SIRT1: variants seen among roughly 807,000 people sequenced by gnomAD.
SIRT1 encodes the protein NAD-dependent protein deacetylase sirtuin-1.
A neutral mutation model predicts 67.9 loss-of-function variants in SIRT1; 24 were observed. The observed-to-expected ratio is 0.35, with a 90% CI of 0.26 to 0.50. The LOEUF is 0.50. Among genes scored for constraint, SIRT1 ranks in the 20% least tolerant of loss-of-function variants. SIRT1 has a pLI of 0.98. For synonymous variants in SIRT1, 378 were observed against 350.7 expected, an observed-to-expected ratio of 1.08 and a Z score of -0.87; for missense variants, 873 against 937.2, an observed-to-expected ratio of 0.93 and a Z score of 0.89.
At position 67,906,312 on chromosome 10, in the gene SIRT1, A is replaced by C. The variant is rs1326254613; in HGVS notation, c.943-478A>C. 1.3e-5 allele frequency: 20 copies of C among 1,556,100 alleles called. No individual in the cohort carries two copies. The Admixed American group carries it at 3.9e-4, about 31-fold the overall frequency. On this transcript the variant is annotated intron_variant, in intron 4 of 8. Coordinates refer to ENST00000212015, the MANE Select transcript of SIRT1 (RefSeq NM_012238.5). ...GGTAAGGATTAAAACTTTAGCTTTAAACTTCCAGCAGGTTGATATTCTAAT... is the reference window on the plus strand; with the variant it reads ...GGTAAGGATTAAAACTTTAGCTTTACACTTCCAGCAGGTTGATATTCTAAT...
At chr10:67,897,269 G>A (rs771838263) in intron 4 of SIRT1, among the ~76,000 whole-genome samples, 1 of 149,972 alleles carries the variant, frequency 6.7e-6, no homozygotes, top group Non-Finnish European at 1.5e-5. Context: ...AAGCTGTGGG[G>A]CCATTTCTGA....
intron 3 of SIRT1, among the ~76,000 whole-genome samples, chr10:67,889,486 T>C (rs1346997564): frequency 1.3e-5 from 2 of 152,214 alleles, no homozygotes; most frequent in Admixed American, 1.3e-4. Context: ...TATGAGAAAC[T>C]GGAAACCTAA....
intron 4 of SIRT1, chr10:67,906,401 A>G: frequency 2.9e-6 from 3 of 1,045,788 alleles, no homozygotes; most frequent in Middle Eastern, 2.7e-4. Flanking sequence ...TTTTTAAATC[A>G]CCCTACCTTG....
Position 67,916,701 on chromosome 10 carries a change from T to G in SIRT1, c.*108T>G, listed in dbSNP as rs2029924599. The stretch of plus-strand genomic sequence containing the variant: ...CGATAGAGCAAGGAAACCAGAAAGG[T>G]GTAATATTTATAGGTTGGTAAAATA... On this transcript the variant is annotated 3_prime_UTR_variant, in exon 9 of 9. Coordinates refer to ENST00000212015, the MANE Select transcript of SIRT1 (RefSeq NM_012238.5). The G allele has an allele frequency of 1.2e-6, 1 of 831,594 alleles. No individual in the cohort carries two copies. The highest frequency in any genetic ancestry group is 2.1e-5 in the South Asian group (1 of 47,148). The allele number at this position is 831,594 out of a possible 1,614,324, so 51.5% of individuals were successfully genotyped here.
intron 4 of SIRT1, among the ~76,000 whole-genome samples, chr10:67,905,610 T>G (rs1271440951): frequency 1.3e-5 from 2 of 152,192 alleles, no homozygotes; most frequent in African/African-American, 4.8e-5. Context: ...TCATCTTTAA[T>G]CTCTATTAAA....
intron 4 of SIRT1, among the ~76,000 whole-genome samples, chr10:67,898,768 T>A (rs1842697846): frequency 1.3e-5 from 2 of 152,016 alleles, no homozygotes; most frequent in South Asian, 4.1e-4. Context: ...CCAAAGAGTT[T>A]GAGGCTGCAG....
intron 4 of SIRT1, chr10:67,906,172 C>T (rs1254029734): frequency 7.1e-7 from 1 of 1,401,430 alleles, no homozygotes; most frequent in Non-Finnish European, 9.3e-7. Flanking sequence ...GAAGAAACAG[C>T]ATTGAAGCAT....
rs1842527854 is a variant in SIRT1 at position 67,888,934 on chromosome 10, A to G, written c.600A>G (p.Thr200=). ...QHLMIGTDPR[T]ILKDLLPETI... The stretch of plus-strand genomic sequence containing the variant: ...TTATGATTGGCACAGATCCTCGAAC[A>G]ATTCTTAAAGATTTATTGCCGGAAA... The change falls in exon 3 of 9, where the codon ACA becomes ACG. Residue 200 remains threonine, a synonymous_variant. Transcript: ENST00000212015. 1 of 1,613,880 alleles carries G rather than the reference A, an allele frequency of 6.2e-7. No individual in the cohort carries two copies.
chr10:67,912,645 T>A lies in SIRT1; in HGVS notation c.1529T>A (p.Ile510Asn). ...LCCNPVKLSEITEKPPRTQKE... is the reference protein window; with the variant it reads ...LCCNPVKLSENTEKPPRTQKE... ...TGTAACCCTGTAAAGCTTTCAGAAA[T>A]TACTGAAAAACCTCCACGAACACAA... The change falls in exon 8 of 9, where the codon ATT becomes AAT. Residue 510 changes from isoleucine (I) to asparagine (N), a missense_variant. Ile to Asn is a moderately radical substitution (Grantham distance 149). Coordinates refer to ENST00000212015, the MANE Select transcript of SIRT1 (RefSeq NM_012238.5). The A allele has an allele frequency of 1.9e-6, 3 of 1,614,124 alleles. No individual in the cohort carries two copies. Among genetic ancestry groups the A allele is most frequent in the Non-Finnish European group, 2.5e-6 (3 of 1,180,028 alleles).
intron 3 of SIRT1, among the ~76,000 whole-genome samples, chr10:67,890,487 G>A (rs1446048311): frequency 6.6e-6 from 1 of 152,100 alleles, no homozygotes; most frequent in Non-Finnish European, 1.5e-5. Flanking sequence ...GCTCATGCAT[G>A]TAATTCCAGC....
intron 3 of SIRT1, among the ~76,000 whole-genome samples, chr10:67,891,025 G>C (rs1842563108): frequency 8.5e-6 from 1 of 117,742 alleles, no homozygotes; most frequent in South Asian, 3.2e-4. Context: ...GTGAGACTCT[G>C]TCTCAAAAAA....
intron 4 of SIRT1, among the ~76,000 whole-genome samples, chr10:67,896,126 G>T (rs2131860512): frequency 6.6e-6 from 1 of 152,164 alleles, no homozygotes. Context: ...TCTTAAATTT[G>T]GCACTATTGA....
chr10:67,897,990 G>T (rs1394798862), intron 4 of SIRT1, among the ~76,000 whole-genome samples: 1 of 139,492 alleles, frequency 7.2e-6, no homozygotes. Flanking sequence ...CTGTTGTTCG[G>T]CTGGGCGTGG....
At chr10:67,892,540 C>T (rs114866339) in intron 4 of SIRT1, among the ~76,000 whole-genome samples, 1 of 152,082 alleles carries the variant, frequency 6.6e-6, no homozygotes, top group African/African-American at 2.4e-5. Flanking sequence ...CATTGCACTC[C>T]ACCCTGGGCA....
chr10:67,885,616 T>C (rs1422970329), intron 1 of SIRT1, among the ~76,000 whole-genome samples: 5 of 152,148 alleles, frequency 3.3e-5, no homozygotes, highest in African/African-American at 1.2e-4. Flanking sequence ...ACCTGTGCAG[T>C]TTGCTTTTTT....
intron 3 of SIRT1, among the ~76,000 whole-genome samples, chr10:67,890,135 A>G (rs7099525): frequency 1.2e-4 from 18 of 151,992 alleles, no homozygotes; most frequent in African/African-American, 4.4e-4. Flanking sequence ...GGCTCACTGC[A>G]ACCTCTGCCT....
At chr10:67,912,439 C>G (rs1168477300) in intron 7 of SIRT1, 35 bp from the exon 8 acceptor site, 12 of 1,534,388 alleles carry the variant, frequency 7.8e-6, no homozygotes, top group Non-Finnish European at 1.1e-5. Flanking sequence ...CTTCCTCCTC[C>G]CTTTTTCTAA....
intron 4 of SIRT1, among the ~76,000 whole-genome samples, chr10:67,904,992 G>A (rs1028094721): frequency 2.6e-5 from 4 of 152,136 alleles, no homozygotes; most frequent in Non-Finnish European, 4.4e-5. Flanking sequence ...GGTGGGGGTG[G>A]ACGTGGATAA....
rs762393274 is a variant in SIRT1, at chr10:67,891,457, G to T, written c.845G>T (p.Arg282Leu). The change falls in exon 4 of 9, where the codon CGC (arginine) becomes CTC (leucine). Residue 282 changes from arginine to leucine, a missense_variant. By Grantham distance (102) the Arg-to-Leu change is moderately radical. Transcript: ENST00000212015. The part of the protein sequence containing the change: ...DFRSRDGIYA[R>L]LAVDFPDLPD... ...AGGTCAAGGGATGGTATTTATGCTC[G>T]CCTTGCTGTAGACTTCCCAGATCTT... is the stretch of plus-strand genomic sequence containing the variant. The T allele has an allele frequency of 6.2e-7, 1 of 1,614,018 alleles. No individual in the cohort carries two copies. The highest frequency in any genetic ancestry group is 1.7e-5 in the Admixed American group (1 of 60,004).
Sources: gnomAD v4.1 joint callset for allele counts (sites outside exome capture counted in the v4.1 genomes callset) on GRCh38, gnomAD v4.1.1 for gene constraint, MANE v1.5 for transcripts, NCBI Gene and HGNC (gene_info 2026-07-23, HGNC 2026-07-21) for gene names.